Variants in COL21A1 observed in about 807,000 individuals in gnomAD.
COL21A1 encodes the protein collagen type XXI alpha 1 chain, also known as collagen alpha-1(XXI) chain.
COL21A1 carries 149 observed loss-of-function variants against 137.9 expected under a neutral mutation model. The observed-to-expected ratio is 1.08, with a 90% CI of 0.95 to 1.24. The LOEUF (loss-of-function observed/expected upper bound fraction) is 1.24. Ranked by LOEUF, COL21A1 falls within the 50% of genes most tolerant of loss-of-function variation. COL21A1 has a pLI of 0.00. For missense variants in COL21A1, 1,167 were observed against 1,158.4 expected (o/e 1.01, Z -0.11); for synonymous variants, 456 against 391.5 (o/e 1.16, Z -1.95).
In COL21A1 at chr6:56,179,864, C is replaced by A; in HGVS notation, c.354G>T (p.Lys118Asn). The change falls in exon 3 of 30, where the codon AAG becomes AAT. Residue 118 changes from lysine (K) to asparagine (N), a missense_variant. Lys to Asn is a moderately conservative substitution (Grantham distance 94). Coordinates refer to ENST00000244728, the MANE Select transcript of COL21A1 (RefSeq NM_030820.4). ...GGTAATCGAGCGCAAACTGGATGGC[C>A]TTCCCTGTCTTTGTGTTTCCTCCTA... is the stretch of plus-strand genomic sequence containing the variant. The part of the protein sequence containing the change: ...LYLGGNTKTG[K>N]AIQFALDYLF... 6.2e-7 allele frequency: 1 copy of A among 1,613,964 alleles called. No individual in the cohort carries two copies. Among genetic ancestry groups the A allele is most frequent in the Middle Eastern group, 1.6e-4 (1 of 6,062 alleles).
intron 1 of COL21A1, among the ~76,000 whole-genome samples, chr6:56,345,619 G>A (rs17224995): frequency 1.3e-5 from 2 of 152,158 alleles, no homozygotes; most frequent in East Asian, 1.9e-4. Flanking sequence ...ACGCCTGATC[G>A]CTACATCTTC....
At chr6:56,198,402 G>GAT (rs932586226) in intron 1 of COL21A1, among the ~76,000 whole-genome samples, 4 of 152,092 alleles carry the variant, frequency 2.6e-5, no homozygotes, top group Non-Finnish European at 4.4e-5. Context: ...TGAGGTAATT[G>GAT]ATATGCTAGT....
intron 1 of COL21A1, among the ~76,000 whole-genome samples, chr6:56,309,998 G>C (rs564578133): frequency 9.2e-5 from 14 of 152,252 alleles, no homozygotes; most frequent in Admixed American, 2.0e-4. Flanking sequence ...ATTTTTCCAA[G>C]ACAAAAGGCT....
intron 17 of COL21A1, among the ~76,000 whole-genome samples, chr6:56,086,374 G>A (rs1768246865): frequency 6.6e-6 from 1 of 152,084 alleles, no homozygotes; most frequent in Admixed American, 6.6e-5. Context: ...ACTATTAATA[G>A]CCTAGTTTTG....
intron 1 of COL21A1, among the ~76,000 whole-genome samples, chr6:56,331,090 G>C: frequency 6.6e-6 from 1 of 151,906 alleles, no homozygotes; most frequent in East Asian, 1.9e-4. Flanking sequence ...CCATTTATAT[G>C]TGTTCTTTTG....
chr6:56,132,251 T>C (rs1317269875), intron 12 of COL21A1, among the ~76,000 whole-genome samples: 1 of 152,078 alleles, frequency 6.6e-6, no homozygotes, highest in African/African-American at 2.4e-5. Flanking sequence ...TAAGCCATAA[T>C]CTTGAATAGC....
chr6:56,103,702 TTA>T (rs1770644471), intron 16 of COL21A1, among the ~76,000 whole-genome samples: 1 of 152,174 alleles, frequency 6.6e-6, no homozygotes, highest in Non-Finnish European at 1.5e-5. Context: ...TCTTCTTACT[TTA>T]TATTAGACAC....
chr6:56,133,383 A>C (rs1773724564), intron 12 of COL21A1, among the ~76,000 whole-genome samples: 1 of 152,206 alleles, frequency 6.6e-6, no homozygotes, highest in Admixed American at 6.5e-5. Context: ...ATCTGGCAGA[A>C]GAAATTTCTA....
rs187534209 is a variant in COL21A1 at position 56,269,234 on chromosome 6, C to A, written c.-38-86578G>T. The stretch of plus-strand genomic sequence containing the variant: ...TCCCCTAATATTGCTAGACAGCTAA[C>A]ATGCCAATTCAAGAAATAAAAAGAA... On this transcript the variant is annotated intron_variant, in intron 1 of 28. Coordinates refer to the COL21A1 transcript ENST00000370819. Among the ~76,000 whole-genome samples, 4 of 152,304 alleles carry A rather than the reference C, an allele frequency of 2.6e-5. No individual in the cohort carries two copies. In the East Asian group the frequency reaches 7.7e-4, roughly 29 times the overall value.
At chr6:56,303,158 T>G (rs1363124993) in intron 1 of COL21A1, among the ~76,000 whole-genome samples, 1 of 152,226 alleles carries the variant, frequency 6.6e-6, no homozygotes, top group Non-Finnish European at 1.5e-5. Flanking sequence ...TGAAGTCAGG[T>G]AGCGTGATGC....
chr6:56,332,138 T>A (rs1765241022), intron 1 of COL21A1: 1 of 152,070 alleles, frequency 6.6e-6, no homozygotes, highest in African/African-American at 2.4e-5. Flanking sequence ...ATTAATTAAT[T>A]CTATTAATTT....
At chr6:56,211,195 GTATATATACATATATATGTA>G (rs1780150920) in intron 1 of COL21A1, among the ~76,000 whole-genome samples, 2 of 19,746 alleles carry the variant, frequency 1.0e-4, no homozygotes, top group Non-Finnish European at 1.8e-4. Context: ...ATGTATATAT[GTATATATACATATATATGTA>G]TATGTATATA....
chr6:56,212,751 CAAT>C (rs1780248610), intron 1 of COL21A1, among the ~76,000 whole-genome samples: 1 of 151,924 alleles, frequency 6.6e-6, no homozygotes, highest in Admixed American at 6.6e-5. Context: ...CTTAACATCT[CAAT>C]GATCTCTAAG....
At chr6:56,168,342 A>G in intron 5 of COL21A1, 45 bp from the exon 6 acceptor site, 1 of 1,410,094 alleles carries the variant, frequency 7.1e-7, no homozygotes, top group Non-Finnish European at 9.4e-7. Context: ...AGCCCCTAAC[A>G]ATATTTTATT....
intron 14 of COL21A1, among the ~76,000 whole-genome samples, chr6:56,124,934 C>T (rs1331917129): frequency 2.0e-5 from 3 of 151,796 alleles, no homozygotes; most frequent in Admixed American, 6.6e-5. Context: ...CATGAGCCAC[C>T]GCGCCCGGCC....
At chr6:56,387,790 C>A (rs147064083) in intron 1 of COL21A1, among the ~76,000 whole-genome samples, 54 of 152,338 alleles carry the variant, frequency 3.5e-4, no homozygotes, top group African/African-American at 1.2e-3. Context: ...CTGGCTCCAC[C>A]TTTAGCTGAC....
At chr6:56,160,983 C>T (rs1346063169) in intron 9 of COL21A1, among the ~76,000 whole-genome samples, 1 of 152,166 alleles carries the variant, frequency 6.6e-6, no homozygotes, top group Non-Finnish European at 1.5e-5. Context: ...CGAAAATCAA[C>T]CTCTTTCCTC....
Position 56,060,137 on chromosome 6 carries a change from G to A in COL21A1, c.2489C>T (p.Pro830Leu). 6.2e-7 allele frequency: 1 copy of A among 1,611,442 alleles called. No homozygotes were observed. Among genetic ancestry groups the A allele is most frequent in the Non-Finnish European group, 8.5e-7 (1 of 1,179,194 alleles). The change falls in exon 28 of 30, where the codon CCT (proline) becomes CTT (leucine). Residue 830 changes from proline (P) to leucine (L), a missense_variant. Physicochemically the swap from Pro to Leu is moderately conservative, Grantham distance 98 (BLOSUM62 -3). Transcript: ENST00000244728. The part of the protein sequence containing the change: ...CLSQHGSPGI[P>L]GPPGPIGPEG... ...TGGGCCTATCGGACCAGGTGGCCCA[G>A]GAATACCCGGGGAGCCATGTTGGGA...
intron 1 of COL21A1, among the ~76,000 whole-genome samples, chr6:56,267,538 T>C (rs760722348): frequency 1.3e-5 from 2 of 151,604 alleles, no homozygotes; most frequent in Non-Finnish European, 2.9e-5. Flanking sequence ...GGGCAGATCA[T>C]ATGAGGTCAG....
Sources: allele counts gnomAD v4.1 joint callset (sites outside exome capture counted in the v4.1 genomes callset), GRCh38; gene constraint gnomAD v4.1.1; transcripts MANE v1.5; gene names NCBI Gene and HGNC (gene_info 2026-07-23, HGNC 2026-07-21).